Variants in HDHD5 observed in about 807,000 individuals in gnomAD.
The protein encoded by HDHD5 is haloacid dehalogenase-like hydrolase domain-containing 5.
Under a neutral mutation model 35.5 loss-of-function variants are expected in HDHD5, and 34 were observed. That is an observed-to-expected ratio of 0.96 (90% CI 0.73 to 1.28). HDHD5 has a LOEUF of 1.28. Among genes scored for constraint, HDHD5 ranks in the 50% most tolerant of loss-of-function variants. HDHD5 has a pLI of 0.00. For missense variants in HDHD5, 589 were observed against 560.2 expected (o/e 1.05, Z -0.52); for synonymous variants, 248 against 240.6 (o/e 1.03, Z -0.29).
chr22:17,159,399 C>T (rs1457126662), upstream of HDHD5: 1 of 911,368 alleles, frequency 1.1e-6, no homozygotes, highest in African/African-American at 1.8e-5. Flanking sequence ...GCCTATGGAA[C>T]TCGACCCGCA....
upstream of HDHD5, among the ~76,000 whole-genome samples, chr22:17,160,942 T>G (rs74276405): frequency 8.1e-5 from 4 of 49,398 alleles, no homozygotes; most frequent in African/African-American, 3.2e-4. Context: ...ATGCCCACAG[T>G]TTTTTTTGAC....
At chr22:17,143,242 C>T in intron 4 of HDHD5, 111 bp from the exon 5 acceptor site, 1 of 1,176,946 alleles carries the variant, frequency 8.5e-7, no homozygotes, top group South Asian at 1.5e-5. Context: ...CTCCACAGAC[C>T]CCACACCCGT....
chr22:17,144,394 C>T (rs2061634047), intron 4 of HDHD5, among the ~76,000 whole-genome samples: 1 of 151,134 alleles, frequency 6.6e-6, no homozygotes, highest in Admixed American at 6.6e-5. Flanking sequence ...GGACTATAGG[C>T]ATGCGCCACC....
intron 5 of HDHD5, 105 bp downstream of exon 5, chr22:17,142,993 C>CG (rs2061615732): frequency 1.5e-6 from 2 of 1,307,422 alleles, no homozygotes; most frequent in Admixed American, 4.2e-5. Flanking sequence ...CTCCAAGGCC[C>CG]CTTGCTGCTG....
At chr22:17,144,908 G>A (rs1159921768) in intron 4 of HDHD5, 116 bp downstream of exon 4, 2 of 1,268,258 alleles carry the variant, frequency 1.6e-6, no homozygotes, top group South Asian at 1.3e-5. Flanking sequence ...TGCCTCCAAA[G>A]AAGCATGGAC....
chr22:17,165,256 C>T (rs772770074), exon 1 of HDHD5: 32 of 774,868 alleles, frequency 4.1e-5, no homozygotes, highest in Non-Finnish European at 1.7e-5. Flanking sequence ...ATTTAGTCCC[C>T]TCTCCTCTTT....
upstream of HDHD5, among the ~76,000 whole-genome samples, chr22:17,160,203 G>A (rs2061853623): frequency 6.6e-6 from 1 of 152,184 alleles, no homozygotes; most frequent in Admixed American, 6.5e-5. Context: ...GATATGGACA[G>A]AGACTGCACT....
At chr22:17,154,650 G>T (rs2061765054) in intron 1 of HDHD5, among the ~76,000 whole-genome samples, 1 of 147,204 alleles carries the variant, frequency 6.8e-6, no homozygotes, top group Non-Finnish European at 1.5e-5. Flanking sequence ...ACAAGACAGG[G>T]TCGCACTCTG....
chr22:17,163,407 G>C (rs373200422), upstream of HDHD5, among the ~76,000 whole-genome samples: 1 of 152,160 alleles, frequency 6.6e-6, no homozygotes, highest in South Asian at 2.1e-4. Context: ...GTGCATATCT[G>C]ATCAGCTCCC....
rs764768700 is a variant in HDHD5 at position 17,138,621 on chromosome 22, G to A, written c.864C>T (p.Ala288=). The A allele has an allele frequency of 1.2e-5, 20 of 1,614,064 alleles. No individual in the cohort carries two copies. The African/African-American group carries it at 1.6e-4, about 13-fold the overall frequency. The change falls in exon 7 of 8, where the codon GCC becomes GCT. Residue 288 remains alanine, a synonymous_variant. Coordinates refer to ENST00000336737, the MANE Select transcript of HDHD5 (RefSeq NM_033070.3). ...GKPSILTYQY[A]EDLIRRQAER... ...CCGCCTGTCGCCTGATCAGGTCCTC[G>A]GCATACTGGTAAGTGAGGATGCTGG...
At position 17,151,623 on chromosome 22, in the gene HDHD5, G is replaced by C. The variant is rs1005927144; in HGVS notation, c.127-1878C>G. Among the ~76,000 whole-genome samples the C allele has an allele frequency of 2.6e-5, 4 of 151,910 alleles. No individual in the cohort carries two copies. In the South Asian group the frequency reaches 6.3e-4, roughly 24 times the overall value. ...TGGGCGCCTGTCATCCCAGCTACTCGGGAGGCTGAGGCAGGAGAATCACTT... is the reference window on the plus strand; with the variant it reads ...TGGGCGCCTGTCATCCCAGCTACTCCGGAGGCTGAGGCAGGAGAATCACTT... On this transcript the variant is annotated intron_variant, in intron 1 of 7. Coordinates refer to ENST00000336737, the MANE Select transcript of HDHD5 (RefSeq NM_033070.3).
intron 2 of HDHD5, among the ~76,000 whole-genome samples, chr22:17,148,812 G>A (rs2061694644): frequency 6.6e-6 from 1 of 152,160 alleles, no homozygotes; most frequent in Non-Finnish European, 1.5e-5. Context: ...CTGACCACTT[G>A]CCACCGCTAC....
In HDHD5 at chr22:17,138,660, G is replaced by A. The variant is rs1601373588; in HGVS notation, c.825C>T (p.Gly275=). Reference sequence around the variant, plus strand: ...TGAGGATGCTGGGTTTGCCCATCAGGCCCTCGTATCTCAGCTCCTTGCCCG... The same window carrying A: ...TGAGGATGCTGGGTTTGCCCATCAGACCCTCGTATCTCAGCTCCTTGCCCG... ...KVTGKELRYE[G]LMGKPSILTY... Residue 275 remains glycine, a synonymous_variant, in exon 7 of 8, where the codon GGC becomes GGT. Coordinates refer to ENST00000336737, the MANE Select transcript of HDHD5 (RefSeq NM_033070.3). 8 of 1,614,206 alleles carry A rather than the reference G, an allele frequency of 5.0e-6. No individual in the cohort carries two copies. The highest frequency in any genetic ancestry group is 1.7e-4 in the Middle Eastern group (1 of 6,060).
At position 17,151,727 on chromosome 22, in the gene HDHD5, T is replaced by TA. The variant is rs59104154; in HGVS notation, c.127-1983dup. ...CCTGGGCGACAAAGCTAGACTCTAC[T>TA]AAAAAAAAAAAAAAAAAAAAAAAAA... On this transcript the variant is annotated intron_variant, in intron 1 of 7. Transcript: ENST00000336737. Among the ~76,000 whole-genome samples, 245 of 113,088 alleles carry TA rather than the reference T, an allele frequency of 2.2e-3. 1 individual carries two copies. The highest frequency in any genetic ancestry group is 4.3e-3 in the Middle Eastern group (1 of 230). The allele number at this position is 113,088 out of a possible 152,430, so 74.2% of individuals were successfully genotyped here. A position where few individuals can be genotyped will look rare whatever the true frequency, so the allele number is the denominator to read the frequency against.
chr22:17,147,512 C>G (rs2061676893), intron 3 of HDHD5, among the ~76,000 whole-genome samples: 1 of 141,346 alleles, frequency 7.1e-6, no homozygotes, highest in Non-Finnish European at 1.5e-5. Flanking sequence ...CGATCACACG[C>G]CATCGCACAC....
rs1171103939 is a variant in HDHD5, at chr22:17,138,569, G to T, written c.916C>A (p.Arg306=). ...AERRGWAAPI[R]KLYAVGDNPM... The stretch of plus-strand genomic sequence containing the variant: ...GCCTACCCCACAGCATAGAGCTTCC[G>T]GATGGGGGCGGCCCAGCCCCGCCTC... The change falls in exon 7 of 8, where the codon CGG becomes AGG. Residue 306 remains arginine (R), a synonymous_variant. Coordinates refer to ENST00000336737, the MANE Select transcript of HDHD5 (RefSeq NM_033070.3). The T allele has an allele frequency of 4.3e-6, 7 of 1,614,086 alleles. No homozygotes were observed. Among genetic ancestry groups the T allele is most frequent in the Non-Finnish European group, 4.2e-6 (5 of 1,179,980 alleles).
intron 3 of HDHD5, among the ~76,000 whole-genome samples, chr22:17,147,836 C>T (rs1270168353): frequency 2.0e-5 from 3 of 152,268 alleles, no homozygotes; most frequent in Non-Finnish European, 4.4e-5. Flanking sequence ...CGCACACGCT[C>T]CTTTACTGCT....
At chr22:17,154,974 A>G (rs2061770365) in intron 1 of HDHD5, among the ~76,000 whole-genome samples, 1 of 152,092 alleles carries the variant, frequency 6.6e-6, no homozygotes, top group Admixed American at 6.6e-5. Context: ...TTTAGGTTTG[A>G]AATGACAAGA....
At chr22:17,152,784 C>G (rs925586151) in intron 1 of HDHD5, among the ~76,000 whole-genome samples, 2 of 151,992 alleles carry the variant, frequency 1.3e-5, no homozygotes, top group Non-Finnish European at 2.9e-5. Context: ...GTCTCGGGTC[C>G]AGTAAAACAG....
Sources: allele counts gnomAD v4.1 joint callset (sites outside exome capture counted in the v4.1 genomes callset), GRCh38; gene constraint gnomAD v4.1.1; transcripts MANE v1.5; gene names NCBI Gene and HGNC (gene_info 2026-07-23, HGNC 2026-07-21).